The following SMOC1 variants were observed in gnomAD, a reference collection of about 807,000 sequenced individuals.
The protein encoded by SMOC1 is SPARC-related modular calcium-binding protein 1.
Under a neutral mutation model 56.3 loss-of-function variants are expected in SMOC1, and 22 were observed. That is an observed-to-expected ratio of 0.39 (90% CI 0.28 to 0.56). The LOEUF (loss-of-function observed/expected upper bound fraction) is 0.56, where lower values mean the gene tolerates loss of function less well. Among genes scored for constraint, SMOC1 ranks in the 20% least tolerant of loss-of-function variants. SMOC1 has a pLI of 0.61. For missense variants in SMOC1, 509 were observed against 565.4 expected (o/e 0.90, Z 1.01); for synonymous variants, 193 against 215.0 (o/e 0.90, Z 0.89).
At chr14:69,973,498 C>A (rs923380395) in intron 3 of SMOC1, among the ~76,000 whole-genome samples, 78 of 152,200 alleles carry the variant, frequency 5.1e-4, no homozygotes, top group African/African-American at 1.8e-3. Context: ...TTGACGTGAC[C>A]CCAAGATATT....
At chr14:69,942,757 T>C (rs902738674) in intron 1 of SMOC1, among the ~76,000 whole-genome samples, 3 of 152,226 alleles carry the variant, frequency 2.0e-5, no homozygotes, top group African/African-American at 4.8e-5. Flanking sequence ...CCTCACTTTA[T>C]GTGCACCTGC....
At chr14:69,983,991 C>T (rs1325887181) in intron 5 of SMOC1, among the ~76,000 whole-genome samples, 3 of 152,064 alleles carry the variant, frequency 2.0e-5, no homozygotes, top group Non-Finnish European at 2.9e-5. Flanking sequence ...CAAGTTTCTT[C>T]GGAAAGGCAA....
chr14:69,911,348 T>C (rs1466652974), intron 1 of SMOC1, among the ~76,000 whole-genome samples: 1 of 152,218 alleles, frequency 6.6e-6, no homozygotes, highest in Non-Finnish European at 1.5e-5. Flanking sequence ...ATATTTAAAC[T>C]TTCAAAGTTT....
chr14:70,010,453 A>G (rs780516558), intron 7 of SMOC1, among the ~76,000 whole-genome samples: 18 of 152,110 alleles, frequency 1.2e-4, no homozygotes, highest in Non-Finnish European at 1.9e-4. Flanking sequence ...ACAAGCTGCC[A>G]CTCTGAGAAG....
At chr14:69,901,938 A>G (rs1884252257) in intron 1 of SMOC1, among the ~76,000 whole-genome samples, 1 of 152,220 alleles carries the variant, frequency 6.6e-6, no homozygotes, top group South Asian at 2.1e-4. Flanking sequence ...TTTTCTGGCA[A>G]TAGAATCTCT....
chr14:69,992,032 C>A (rs1035080826), intron 5 of SMOC1, among the ~76,000 whole-genome samples: 1 of 152,098 alleles, frequency 6.6e-6, no homozygotes, highest in Non-Finnish European at 1.5e-5. Flanking sequence ...GGATTGCCAA[C>A]CTTATGCTAA....
chr14:70,005,075 C>G (rs1566707493), intron 7 of SMOC1, among the ~76,000 whole-genome samples: 1 of 152,344 alleles, frequency 6.6e-6, no homozygotes, highest in East Asian at 1.9e-4. Context: ...TCAGCAGTTC[C>G]TCCTCTGGAA....
intron 3 of SMOC1, among the ~76,000 whole-genome samples, chr14:69,968,894 C>G (rs778051416): frequency 1.3e-5 from 2 of 152,178 alleles, no homozygotes; most frequent in Non-Finnish European, 2.9e-5. Flanking sequence ...CACAAAGAGA[C>G]AGATGGGGAG....
chr14:69,989,253 G>T (rs1165912548), intron 5 of SMOC1, among the ~76,000 whole-genome samples: 2 of 152,162 alleles, frequency 1.3e-5, no homozygotes, highest in African/African-American at 4.8e-5. Context: ...GAAGTATCTT[G>T]TTGTGGTTTT....
At chr14:70,019,389 C>T (rs570332350) in intron 10 of SMOC1, among the ~76,000 whole-genome samples, 2 of 152,332 alleles carry the variant, frequency 1.3e-5, no homozygotes, top group African/African-American at 4.8e-5. Flanking sequence ...ATTGTACCTA[C>T]CCAGTGAGCC....
rs143156048 is a variant in SMOC1, at chr14:69,935,168, T to C, written c.100-16970T>C. Among the ~76,000 whole-genome samples, 3 of 152,322 alleles carry C rather than the reference T, an allele frequency of 2.0e-5. No individual in the cohort carries two copies. The East Asian group carries it at 5.8e-4, about 29-fold the overall frequency. On this transcript the variant is annotated intron_variant, in intron 1 of 11. Coordinates refer to ENST00000361956, the MANE Select transcript of SMOC1 (RefSeq NM_001034852.3). ...AACTTCTGTACTAAAATATAATTTT[T>C]AAGGCAGTTTTCTGGTGGAGACAGG...
chr14:69,936,138 G>T (rs1042629913), intron 1 of SMOC1, among the ~76,000 whole-genome samples: 2 of 152,056 alleles, frequency 1.3e-5, no homozygotes, highest in African/African-American at 4.8e-5. Flanking sequence ...CCCAGTTGAC[G>T]ACATATCACC....
intron 3 of SMOC1, among the ~76,000 whole-genome samples, chr14:69,973,771 G>C (rs376152052): frequency 6.6e-6 from 1 of 152,166 alleles, no homozygotes; most frequent in East Asian, 1.9e-4. Flanking sequence ...GTGTCCACAC[G>C]AGAGCAGAAG....
intron 1 of SMOC1, among the ~76,000 whole-genome samples, chr14:69,912,950 G>A (rs887812482): frequency 2.0e-5 from 3 of 152,210 alleles, no homozygotes; most frequent in African/African-American, 7.2e-5. Context: ...AACACAATTT[G>A]AATAAGCCTA....
At chr14:69,886,503 T>C (rs865942365) in intron 1 of SMOC1, among the ~76,000 whole-genome samples, 5 of 152,330 alleles carry the variant, frequency 3.3e-5, no homozygotes, top group Middle Eastern at 6.8e-3. Context: ...TTTTTGAGTT[T>C]TTGTTCTTTG....
intron 11 of SMOC1, among the ~76,000 whole-genome samples, 193 bp from the exon 12 acceptor site, chr14:70,030,049 A>C (rs577080989): frequency 6.1e-4 from 93 of 152,306 alleles, no homozygotes; most frequent in African/African-American, 2.2e-3. Context: ...AGGCTGGTAA[A>C]ACATGCTCAT....
chr14:69,997,848 G>T (rs1209218696), intron 7 of SMOC1, among the ~76,000 whole-genome samples: 2 of 152,174 alleles, frequency 1.3e-5, no homozygotes, highest in East Asian at 1.9e-4. Context: ...CTGGGTTCAG[G>T]TGTGCTTCAG....
intron 1 of SMOC1, among the ~76,000 whole-genome samples, chr14:69,913,802 A>G (rs370909208): frequency 6.6e-6 from 1 of 152,330 alleles, no homozygotes; most frequent in East Asian, 1.9e-4. Context: ...AGCCCTGAGA[A>G]AAACCCTGGC....
At chr14:69,972,170 A>G (rs10132876) in intron 3 of SMOC1, among the ~76,000 whole-genome samples, 3,640 of 152,290 alleles carry the variant, frequency 0.024, 68 homozygotes, top group Middle Eastern at 0.099. Flanking sequence ...AGGCTGCAGA[A>G]GGAGTTAAGT....
Sources: gnomAD v4.1 joint callset for allele counts (sites outside exome capture counted in the v4.1 genomes callset) on GRCh38, gnomAD v4.1.1 for gene constraint, MANE v1.5 for transcripts, NCBI Gene and HGNC (gene_info 2026-07-23, HGNC 2026-07-21) for gene names.